COL11A1: variants seen among roughly 807,000 people sequenced by gnomAD.
COL11A1 encodes the protein collagen type XI alpha 1 chain.
Under a neutral mutation model 265.2 loss-of-function variants are expected in COL11A1, and 74 were observed. The observed-to-expected ratio is 0.28, with a 90% CI of 0.23 to 0.34. COL11A1 has a LOEUF of 0.34. Ranked by LOEUF, COL11A1 falls within the 10% of genes least tolerant of loss-of-function variation. The pLI is 1.00. For missense variants in COL11A1, 2,165 were observed against 2,263.6 expected (o/e 0.96, Z 0.88); for synonymous variants, 816 against 727.6 (o/e 1.12, Z -1.96).
Position 103,017,894 on chromosome 1 carries a change from C to A in COL11A1, c.1351-12G>T, listed in dbSNP as rs1666693891. On this transcript the variant is annotated splice_polypyrimidine_tract_variant and intron_variant, in intron 10 of 66. Coordinates refer to ENST00000370096, the MANE Select transcript of COL11A1 (RefSeq NM_001854.4). ...GGACCCATAATACCCTATAGAGAAA[C>A]ACACCATATCTTAATCAGATTCCTA... is the stretch of plus-strand genomic sequence containing the variant. 1 of 1,601,930 alleles carries A rather than the reference C, an allele frequency of 6.2e-7. No individual in the cohort carries two copies. The highest frequency in any genetic ancestry group is 1.3e-5 in the African/African-American group (1 of 74,778).
At chr1:102,880,086 A>C in intron 65 of COL11A1, 170 bp from the exon 66 acceptor site, 1 of 599,950 alleles carries the variant, frequency 1.7e-6, no homozygotes, top group Admixed American at 2.9e-5. Flanking sequence ...GAAGACCCAG[A>C]GACAAGATTT....
chr1:102,893,477 A>T (rs895340393), intron 57 of COL11A1, among the ~76,000 whole-genome samples: 13 of 152,240 alleles, frequency 8.5e-5, no homozygotes, highest in African/African-American at 3.1e-4. Flanking sequence ...TGAACCTGAA[A>T]CAGATCAAAA....
intron 57 of COL11A1, among the ~76,000 whole-genome samples, chr1:102,891,769 G>C (rs1307555756): frequency 6.6e-6 from 1 of 151,314 alleles, no homozygotes; most frequent in Non-Finnish European, 1.5e-5. Context: ...TGCTGTCCCA[G>C]CTACTTGAGA....
At chr1:103,099,808 T>A (rs1164299095) in intron 1 of COL11A1, among the ~76,000 whole-genome samples, 1 of 151,774 alleles carries the variant, frequency 6.6e-6, no homozygotes, top group African/African-American at 2.4e-5. Context: ...GTTTTCCATA[T>A]GAAAAAGCTA....
intron 4 of COL11A1, among the ~76,000 whole-genome samples, chr1:103,042,632 C>A (rs1668901419): frequency 2.6e-5 from 4 of 152,084 alleles, no homozygotes; most frequent in Admixed American, 2.6e-4. Flanking sequence ...ACTTTCCTAG[C>A]TTGTCACAGT....
At position 102,915,754 on chromosome 1, in the gene COL11A1, TATC is replaced by T. The variant is rs1188471394; in HGVS notation, c.3763-73_3763-71del. The stretch of plus-strand genomic sequence containing the variant: ...TTTTACATTTATAAAATTCAAATGT[TATC>T]ATATCATTTTAGATTAGCCCTTATT... On this transcript the variant is annotated intron_variant, in intron 49 of 66. Coordinates refer to ENST00000370096, the MANE Select transcript of COL11A1 (RefSeq NM_001854.4). The T allele has an allele frequency of 2.1e-5, 25 of 1,215,692 alleles. 1 individual carries two copies. Among genetic ancestry groups the T allele is most frequent in the Admixed American group, 5.7e-5 (3 of 52,878 alleles). The allele number at this position is 1,215,692 out of a possible 1,614,324, so 75.3% of individuals were successfully genotyped here.
At chr1:103,027,650 T>G (rs1182273023) in intron 5 of COL11A1, among the ~76,000 whole-genome samples, 2 of 151,934 alleles carry the variant, frequency 1.3e-5, no homozygotes, top group African/African-American at 4.8e-5. Flanking sequence ...GCAAAAGAAC[T>G]GTTGACCACA....
intron 41 of COL11A1, among the ~76,000 whole-genome samples, chr1:102,951,133 T>C (rs1226215559): frequency 6.6e-6 from 1 of 152,158 alleles, no homozygotes; most frequent in Non-Finnish European, 1.5e-5. Flanking sequence ...TGGACTGATA[T>C]ACCATCTTAC....
intron 46 of COL11A1, among the ~76,000 whole-genome samples, chr1:102,933,861 G>C (rs973821532): frequency 2.6e-5 from 4 of 152,142 alleles, no homozygotes; most frequent in Non-Finnish European, 5.9e-5. Context: ...TTCCAGGTGA[G>C]TCCGTCACCC....
intron 1 of COL11A1, among the ~76,000 whole-genome samples, chr1:103,098,467 T>G (rs557450041): frequency 6.6e-6 from 1 of 151,990 alleles, no homozygotes; most frequent in African/African-American, 2.4e-5. Context: ...ATACAAAATC[T>G]ATTTCATCAA....
At chr1:102,908,023 C>G (rs1004851754) in intron 54 of COL11A1, among the ~76,000 whole-genome samples, 2 of 152,004 alleles carry the variant, frequency 1.3e-5, no homozygotes, top group African/African-American at 4.8e-5. Context: ...TCAAAACAGC[C>G]ATGCATAATA....
intron 42 of COL11A1, among the ~76,000 whole-genome samples, chr1:102,945,062 TTTA>T (rs1197829462): frequency 1.3e-5 from 2 of 152,170 alleles, no homozygotes; most frequent in African/African-American, 4.8e-5. Flanking sequence ...ACATTTTTTT[TTTA>T]TTTGCTACAG....
At chr1:103,020,755 T>C (rs1666980722) in intron 9 of COL11A1, among the ~76,000 whole-genome samples, 1 of 124,076 alleles carries the variant, frequency 8.1e-6, no homozygotes, top group African/African-American at 3.0e-5. Context: ...CCATCTTGAA[T>C]TGATTTTTGT....
intron 41 of COL11A1, among the ~76,000 whole-genome samples, chr1:102,959,802 C>T (rs914353092): frequency 1.3e-5 from 2 of 152,148 alleles, no homozygotes; most frequent in Non-Finnish European, 2.9e-5. Flanking sequence ...CCTACAAATA[C>T]ACTGGTTTCA....
intron 37 of COL11A1, among the ~76,000 whole-genome samples, chr1:102,968,636 G>A (rs1318206786): frequency 2.0e-5 from 3 of 152,122 alleles, no homozygotes; most frequent in African/African-American, 7.2e-5. Context: ...TTGAATCTGG[G>A]TCAGCAGAGA....
chr1:102,905,304 C>T (rs1320646018), intron 54 of COL11A1, among the ~76,000 whole-genome samples: 1 of 150,092 alleles, frequency 6.7e-6, no homozygotes, highest in Non-Finnish European at 1.5e-5. Context: ...AGCACACCAA[C>T]ATGGCACATG....
At position 102,877,171 on chromosome 1, in the gene COL11A1, C is replaced by T. The variant is rs1449363863; in HGVS notation, c.*848G>A. 1 of 152,550 alleles carries T rather than the reference C, an allele frequency of 6.6e-6. No individual in the cohort carries two copies. Among genetic ancestry groups the T allele is most frequent in the African/African-American group, 2.4e-5 (1 of 41,434 alleles). 9.4% of individuals were successfully genotyped at this position (152,550 alleles called of 1,614,324 possible). On this transcript the variant is annotated 3_prime_UTR_variant, in exon 67 of 67. Coordinates refer to ENST00000370096, the MANE Select transcript of COL11A1 (RefSeq NM_001854.4). ...AGGCATTGATTTGTTAATATACTTTCTTACACACATTTCCCTGTCCAAAAA... is the reference window on the plus strand; with the variant it reads ...AGGCATTGATTTGTTAATATACTTTTTTACACACATTTCCCTGTCCAAAAA...
intron 25 of COL11A1, 62 bp from the exon 26 acceptor site, chr1:102,997,186 A>G: frequency 8.1e-6 from 11 of 1,353,482 alleles, no homozygotes; most frequent in South Asian, 3.5e-5. Context: ...TAATACTACG[A>G]AAGTATTTCT....
chr1:102,917,788 G>A (rs1362972876), intron 49 of COL11A1, among the ~76,000 whole-genome samples: 1 of 151,662 alleles, frequency 6.6e-6, no homozygotes, highest in African/African-American at 2.4e-5. Flanking sequence ...GCTTTCTAAT[G>A]ATAAATGCTT....
Sources: gnomAD v4.1 joint callset for allele counts (sites outside exome capture counted in the v4.1 genomes callset) on GRCh38, gnomAD v4.1.1 for gene constraint, MANE v1.5 for transcripts, NCBI Gene and HGNC (gene_info 2026-07-23, HGNC 2026-07-21) for gene names.